WWOX: variants seen among roughly 807,000 people sequenced by gnomAD.
The protein encoded by WWOX is WW domain-containing oxidoreductase.
In WWOX, 69 loss-of-function variants were observed where a neutral mutation model predicts 46.2. The observed-to-expected ratio is 1.49, with a 90% CI of 1.23 to 1.82. The LOEUF is 1.82. WWOX is among the 40% of genes most tolerant of loss of function. WWOX has a pLI of 0.00. For synonymous variants in WWOX, 359 were observed against 202.6 expected (o/e 1.77, Z -6.56); for missense variants, 919 against 542.6 (o/e 1.69, Z -6.89).
At chr16:78,711,588 C>T (rs147440723) in intron 8 of WWOX, among the ~76,000 whole-genome samples, 1 of 152,154 alleles carries the variant, frequency 6.6e-6, no homozygotes, top group South Asian at 2.1e-4. Flanking sequence ...AATGATAAAC[C>T]TTAACGCTTA....
At chr16:78,271,947 A>G (rs1196081993) in intron 5 of WWOX, among the ~76,000 whole-genome samples, 4 of 152,194 alleles carry the variant, frequency 2.6e-5, no homozygotes, top group African/African-American at 7.2e-5. Flanking sequence ...CAGCCAGGTC[A>G]GGCAGATGGA....
At chr16:78,667,071 T>A (rs543022665) in intron 8 of WWOX, among the ~76,000 whole-genome samples, 3 of 152,142 alleles carry the variant, frequency 2.0e-5, no homozygotes, top group Non-Finnish European at 2.9e-5. Flanking sequence ...GAGTTTTGAG[T>A]ATCGGATCTT....
At chr16:79,059,204 C>T (rs1215149473) in intron 8 of WWOX, among the ~76,000 whole-genome samples, 3 of 152,178 alleles carry the variant, frequency 2.0e-5, no homozygotes, top group East Asian at 3.9e-4. Context: ...CATCCTAAAA[C>T]TCCATGAATA....
chr16:79,156,702 A>G (rs2050388403), intron 8 of WWOX, among the ~76,000 whole-genome samples: 1 of 152,000 alleles, frequency 6.6e-6, no homozygotes, highest in Non-Finnish European at 1.5e-5. Context: ...AGCAGGTATC[A>G]CAGGATTTCA....
chr16:78,773,950 A>G lies in WWOX; in HGVS notation c.1056+341198A>G, dbSNP rs529650538. Among the ~76,000 whole-genome samples, 114 of 152,296 alleles carry G rather than the reference A, an allele frequency of 7.5e-4. No homozygotes were observed. The South Asian group carries it at 0.02, about 27-fold the overall frequency. Reference sequence around the variant, plus strand: ...CCCAGGCCCTTCATGGAATTTGAAAACATGACTCTGAAAGCATGTGGCTGA... The same window carrying G: ...CCCAGGCCCTTCATGGAATTTGAAAGCATGACTCTGAAAGCATGTGGCTGA... On this transcript the variant is annotated intron_variant, in intron 8 of 8. Transcript: ENST00000566780.
At chr16:78,315,295 T>C (rs949872724) in intron 5 of WWOX, among the ~76,000 whole-genome samples, 15 of 152,212 alleles carry the variant, frequency 9.9e-5, no homozygotes, top group African/African-American at 3.4e-4. Flanking sequence ...TTTTTTTTCC[T>C]TGTAAAAGCT....
intron 8 of WWOX, among the ~76,000 whole-genome samples, chr16:78,929,971 C>G (rs1457205101): frequency 6.6e-6 from 1 of 152,140 alleles, no homozygotes; most frequent in Non-Finnish European, 1.5e-5. Flanking sequence ...TTGCAGCTAG[C>G]TCTCTGTGAC....
At chr16:78,462,869 G>C (rs1597119745) in intron 8 of WWOX, among the ~76,000 whole-genome samples, 1 of 152,160 alleles carries the variant, frequency 6.6e-6, no homozygotes, top group Non-Finnish European at 1.5e-5. Context: ...TTGCTTTCCT[G>C]GGTCTTGCCC....
At chr16:78,484,181 A>G (rs1209468990) in intron 8 of WWOX, among the ~76,000 whole-genome samples, 2 of 152,212 alleles carry the variant, frequency 1.3e-5, no homozygotes, top group East Asian at 3.8e-4. Context: ...GCTCTTAATG[A>G]TTATTACTGC....
chr16:78,917,592 C>G (rs1299078514), intron 8 of WWOX, among the ~76,000 whole-genome samples: 1 of 152,048 alleles, frequency 6.6e-6, no homozygotes, highest in African/African-American at 2.4e-5. Flanking sequence ...AACATATTTT[C>G]ATTCTTTTGC....
rs1011909539 is a variant in WWOX, at chr16:79,178,628, T to G, written c.1057-32980T>G. On this transcript the variant is annotated intron_variant, in intron 8 of 8. Transcript: ENST00000566780. ...CACCACACCCAGCCTGATTCCTGTT[T>G]TACATATTAAAAATTTCATCTCTCC... is the stretch of plus-strand genomic sequence containing the variant. Among the ~76,000 whole-genome samples, 4 of 152,150 alleles carry G rather than the reference T, an allele frequency of 2.6e-5. 1 individual carries two copies. Among genetic ancestry groups the G allele is most frequent in the Non-Finnish European group, 4.4e-5 (3 of 68,022 alleles).
At chr16:78,360,107 T>G (rs956719373) in intron 5 of WWOX, among the ~76,000 whole-genome samples, 5 of 152,128 alleles carry the variant, frequency 3.3e-5, no homozygotes, top group Non-Finnish European at 5.9e-5. Context: ...AAAAACACAT[T>G]AAAAACAACG....
intron 8 of WWOX, among the ~76,000 whole-genome samples, chr16:79,065,563 G>T (rs968680119): frequency 6.6e-6 from 1 of 152,164 alleles, no homozygotes; most frequent in South Asian, 2.1e-4. Flanking sequence ...AAAAAAACCA[G>T]TCTTAGGTTC....
intron 8 of WWOX, chr16:79,017,101 T>G (rs1206760664): frequency 6.6e-6 from 1 of 152,088 alleles, no homozygotes; most frequent in Non-Finnish European, 1.5e-5. Context: ...TCTAGCTAGT[T>G]ATCTATCCAT....
chr16:79,075,468 G>C (rs546021929), intron 8 of WWOX, among the ~76,000 whole-genome samples: 25 of 152,040 alleles, frequency 1.6e-4, no homozygotes, highest in African/African-American at 6.0e-4. Context: ...TATGATTGTT[G>C]CTTTCATTGT....
intron 8 of WWOX, among the ~76,000 whole-genome samples, chr16:78,737,371 GA>G (rs71726639): frequency 0.15 from 22,882 of 151,692 alleles, 2,097 homozygotes; most frequent in African/African-American, 0.25. Context: ...TCTGACCTCA[GA>G]ATGATCCGCC....
At chr16:78,859,304 C>A (rs541232320) in intron 8 of WWOX, among the ~76,000 whole-genome samples, 1 of 151,500 alleles carries the variant, frequency 6.6e-6, no homozygotes, top group South Asian at 2.1e-4. Context: ...GATTTTTCCC[C>A]CCTGCTGAAT....
intron 8 of WWOX, among the ~76,000 whole-genome samples, chr16:78,794,103 T>C (rs1361538703): frequency 1.3e-5 from 2 of 152,068 alleles, no homozygotes; most frequent in African/African-American, 4.8e-5. Context: ...TTTTGGGAGA[T>C]GATTTGGACA....
intron 8 of WWOX, among the ~76,000 whole-genome samples, chr16:78,972,870 TC>T (rs2151325026): frequency 6.6e-6 from 1 of 152,318 alleles, no homozygotes; most frequent in South Asian, 2.1e-4. Flanking sequence ...TTAACACGTC[TC>T]CCCGCCTTGT....
Sources: gnomAD v4.1 joint callset for allele counts (sites outside exome capture counted in the v4.1 genomes callset) on GRCh38, gnomAD v4.1.1 for gene constraint, MANE v1.5 for transcripts, NCBI Gene and HGNC (gene_info 2026-07-23, HGNC 2026-07-21) for gene names.